COL23A1: variants seen among roughly 807,000 people sequenced by gnomAD.
The protein encoded by COL23A1 is collagen alpha-1(XXIII) chain.
COL23A1 carries 97 observed loss-of-function variants against 99.3 expected under a neutral mutation model. The observed-to-expected ratio is 0.98, with a 90% CI of 0.83 to 1.16. The LOEUF is 1.16. COL23A1 is among the 50% of genes most tolerant of loss of function. The probability of loss-of-function intolerance (pLI) is 0.00; values close to 1 mark genes in which losing one functional copy is unlikely to be tolerated. For synonymous variants in COL23A1, 320 were observed against 308.2 expected (o/e 1.04, Z -0.40); for missense variants, 762 against 757.4 (o/e 1.01, Z -0.07).
In COL23A1 at chr5:178,255,784, C is replaced by A. The variant is rs1178680775; in HGVS notation, c.882+569G>T. 2 of 366,084 alleles carry A rather than the reference C, an allele frequency of 5.5e-6. No individual in the cohort carries two copies. The highest frequency in any genetic ancestry group is 5.7e-6 in the Non-Finnish European group (1 of 175,990). 22.7% of individuals were successfully genotyped at this position (366,084 alleles called of 1,614,324 possible). A position where few individuals can be genotyped will look rare whatever the true frequency, so the allele number is the denominator to read the frequency against. On this transcript the variant is annotated intron_variant, in intron 15 of 28. Coordinates refer to ENST00000390654, the MANE Select transcript of COL23A1 (RefSeq NM_173465.4). The surrounding 1 kb of genome is among the most constrained non-coding windows in gnomAD (Gnocchi z 4.2). ...AATCCAACCCCCTCCCGCTCCCCAC[C>A]ACCTGCACAGCCAGGCGGGGGCTCA... is the stretch of plus-strand genomic sequence containing the variant.
At chr5:178,470,217 C>T (rs941940633) in intron 2 of COL23A1, among the ~76,000 whole-genome samples, 5 of 152,200 alleles carry the variant, frequency 3.3e-5, no homozygotes, top group Non-Finnish European at 5.9e-5. Flanking sequence ...TTCTCAGGGA[C>T]GAAGCTTGCT....
intron 3 of COL23A1, among the ~76,000 whole-genome samples, chr5:178,291,332 A>T (rs1757447226): frequency 6.6e-6 from 1 of 152,224 alleles, no homozygotes; most frequent in Non-Finnish European, 1.5e-5. Context: ...AAGAGGCAAG[A>T]GCCCTGGCTC....
rs903527748 is a variant in COL23A1 at position 178,293,263 on chromosome 5, A to G, written c.407-2894T>C. Among the ~76,000 whole-genome samples the G allele has an allele frequency of 1.6e-4, 25 of 152,006 alleles. 1 individual carries two copies. The highest frequency in any genetic ancestry group is 5.8e-4 in the African/African-American group (24 of 41,392). On this transcript the variant is annotated intron_variant, in intron 3 of 28. Coordinates refer to ENST00000390654, the MANE Select transcript of COL23A1 (RefSeq NM_173465.4). ...GGGAGGAGGGGAGAGTCCTAGAGCCACATTCTTGAGGAGGTGAGAAGGGCT... is the reference window on the plus strand; with the variant it reads ...GGGAGGAGGGGAGAGTCCTAGAGCCGCATTCTTGAGGAGGTGAGAAGGGCT...
intron 1 of COL23A1, among the ~76,000 whole-genome samples, chr5:178,578,093 ATG>A (rs1223344304): frequency 4.5e-4 from 68 of 151,648 alleles, no homozygotes; most frequent in African/African-American, 1.6e-3. Flanking sequence ...ACACACATGC[ATG>A]CACACGCCCA....
chr5:178,311,743 T>G (rs7735166), intron 2 of COL23A1, among the ~76,000 whole-genome samples: 7,174 of 106,452 alleles, frequency 0.067, 362 homozygotes, highest in African/African-American at 0.14. Flanking sequence ...GTTTTGTTTT[T>G]TTTTTGAGAC....
At chr5:178,524,884 G>C (rs1424852960) in intron 2 of COL23A1, among the ~76,000 whole-genome samples, 1 of 152,216 alleles carries the variant, frequency 6.6e-6, no homozygotes, top group Non-Finnish European at 1.5e-5. Context: ...TCATTCAACA[G>C]CTGTCTGGGA....
At chr5:178,441,404 G>A (rs1305863750) in intron 2 of COL23A1, among the ~76,000 whole-genome samples, 1 of 152,052 alleles carries the variant, frequency 6.6e-6, no homozygotes, top group Non-Finnish European at 1.5e-5. Context: ...AACTCCACAT[G>A]GGACAGGCTG....
intron 2 of COL23A1, among the ~76,000 whole-genome samples, chr5:178,319,056 G>C (rs1759137574): frequency 6.6e-6 from 1 of 152,220 alleles, no homozygotes; most frequent in African/African-American, 2.4e-5. Context: ...ACAGGCGGCA[G>C]GTACAGCCAT....
At chr5:178,530,345 C>T (rs984343301) in intron 2 of COL23A1, among the ~76,000 whole-genome samples, 4 of 152,024 alleles carry the variant, frequency 2.6e-5, no homozygotes, top group Non-Finnish European at 4.4e-5. Flanking sequence ...GCCTGTAGTC[C>T]CAGCTACCCA....
chr5:178,320,686 G>T (rs572092098), intron 2 of COL23A1, among the ~76,000 whole-genome samples: 12 of 152,216 alleles, frequency 7.9e-5, no homozygotes, highest in Non-Finnish European at 1.5e-4. Flanking sequence ...GGGACTTGGG[G>T]TGATTCATGA....
chr5:178,375,540 C>T (rs774421105), intron 2 of COL23A1, among the ~76,000 whole-genome samples: 31 of 152,362 alleles, frequency 2.0e-4, no homozygotes, highest in Non-Finnish European at 4.0e-4. Context: ...AAAGGCCCTG[C>T]GTGGTCCCGC....
intron 2 of COL23A1, among the ~76,000 whole-genome samples, chr5:178,327,005 A>G (rs190810118): frequency 5.2e-5 from 8 of 152,392 alleles, no homozygotes; most frequent in East Asian, 1.9e-4. Flanking sequence ...GGCGTGAGCC[A>G]CTGCACCGGG....
At chr5:178,401,589 T>C (rs909061336) in intron 2 of COL23A1, among the ~76,000 whole-genome samples, 1 of 152,268 alleles carries the variant, frequency 6.6e-6, no homozygotes, top group African/African-American at 2.4e-5. Flanking sequence ...ATTTCCAATT[T>C]GGGTAATTAT....
intron 5 of COL23A1, among the ~76,000 whole-genome samples, chr5:178,287,625 C>T (rs1442122342): frequency 6.6e-6 from 1 of 152,202 alleles, no homozygotes; most frequent in Non-Finnish European, 1.5e-5. Flanking sequence ...GCCAGCATTT[C>T]CCTCCCTGCA....
chr5:178,338,336 A>G (rs1760461437), intron 2 of COL23A1, among the ~76,000 whole-genome samples: 1 of 152,218 alleles, frequency 6.6e-6, no homozygotes, highest in Admixed American at 6.5e-5. Context: ...ACAGTGAGAT[A>G]GCAAAGGCTG....
In COL23A1 at chr5:178,340,713, T is replaced by C. The variant is rs1210007253; in HGVS notation, c.362-33794A>G. 6.6e-6 allele frequency among the ~76,000 whole-genome samples: 1 copy of C among 152,174 alleles called. No individual in the cohort carries two copies. The highest frequency in any genetic ancestry group is 1.9e-4 in the East Asian group (1 of 5,194). On this transcript the variant is annotated intron_variant, in intron 2 of 28. Coordinates refer to ENST00000390654, the MANE Select transcript of COL23A1 (RefSeq NM_173465.4). The surrounding 1 kb of genome is among the most constrained non-coding windows in gnomAD (Gnocchi z 4.7). ...CACCGGGGATTCTAGTCCTCGGCCC[T>C]CCCAGGGGCAGTGAGGGAGTCTCAC...
At chr5:178,479,420 T>G (rs554606761) in intron 2 of COL23A1, among the ~76,000 whole-genome samples, 42 of 152,304 alleles carry the variant, frequency 2.8e-4, no homozygotes, top group African/African-American at 9.9e-4. Flanking sequence ...GCTTCTCTTA[T>G]CACCTGCCAT....
intron 25 of COL23A1, among the ~76,000 whole-genome samples, chr5:178,245,076 CTAT>C (rs1213448253): frequency 7.6e-6 from 1 of 130,734 alleles, no homozygotes; most frequent in African/African-American, 3.3e-5. Context: ...CACTCATCAT[CTAT>C]CATCCATCCA....
chr5:178,257,162 G>A (rs566180773), intron 13 of COL23A1, among the ~76,000 whole-genome samples: 9 of 152,304 alleles, frequency 5.9e-5, no homozygotes, highest in East Asian at 1.9e-4. Flanking sequence ...TTGGGGCAGC[G>A]CAGGGGCTCA....
Sources: gnomAD v4.1 joint callset for allele counts (sites outside exome capture counted in the v4.1 genomes callset) on GRCh38, gnomAD v4.1.1 for gene constraint, Gnocchi (gnomAD v3.1) non-coding constraint, MANE v1.5 for transcripts, NCBI Gene and HGNC (gene_info 2026-07-23, HGNC 2026-07-21) for gene names.